GAB2: variants seen among roughly 807,000 people sequenced by gnomAD.
GAB2 encodes GRB2 associated binding protein 2, also known as GRB2-associated-binding protein 2.
GAB2 carries 26 observed loss-of-function variants against 65.5 expected under a neutral mutation model. The observed-to-expected ratio is 0.40, with a 90% CI of 0.29 to 0.55. The LOEUF (loss-of-function observed/expected upper bound fraction) is 0.55, where lower values mean the gene tolerates loss of function less well. Among genes scored for constraint, GAB2 ranks in the 20% least tolerant of loss-of-function variants. The pLI is 0.53. For missense variants in GAB2, 884 were observed against 875.8 expected (o/e 1.01, Z -0.12); for synonymous variants, 321 against 329.6 (o/e 0.97, Z 0.28).
At position 78,300,288 on chromosome 11, in the gene GAB2, G is replaced by A. The variant is rs940655921; in HGVS notation, c.76-19387C>T. Among the ~76,000 whole-genome samples the A allele has an allele frequency of 2.8e-5, 4 of 140,680 alleles. 1 individual carries two copies. Among genetic ancestry groups the A allele is most frequent in the African/African-American group, 1.3e-4 (4 of 30,628 alleles). The allele number at this position is 140,680 out of a possible 152,430, so 92.3% of individuals were successfully genotyped here. On this transcript the variant is annotated intron_variant, in intron 1 of 9. Transcript: ENST00000361507. ...CTGACTCATATTGCTGCATGTATCA[G>A]TAGTTTAAAAAATTGCTGAGTAGTG...
intron 1 of GAB2, among the ~76,000 whole-genome samples, chr11:78,353,907 A>C (rs1299097753): frequency 6.6e-6 from 1 of 152,256 alleles, no homozygotes; most frequent in African/African-American, 2.4e-5. Flanking sequence ...CTCAAACTTC[A>C]GTATGCATCA....
At position 78,329,009 on chromosome 11, in the gene GAB2, C is replaced by A. The variant is rs184883040; in HGVS notation, c.76-48108G>T. The stretch of plus-strand genomic sequence containing the variant: ...TATTTAGGGAGAAATATGCTAATGT[C>A]TGCAATTTACTTTAAATGCTATAAA... On this transcript the variant is annotated intron_variant, in intron 1 of 9. Transcript: ENST00000361507. Among the ~76,000 whole-genome samples the A allele has an allele frequency of 4.6e-4, 70 of 152,174 alleles. 2 individuals carry two copies. The highest frequency in any genetic ancestry group is 4.3e-3 in the Admixed American group (65 of 15,280).
chr11:78,298,697 T>G (rs1452379486), intron 1 of GAB2, among the ~76,000 whole-genome samples: 1 of 152,216 alleles, frequency 6.6e-6, no homozygotes, highest in Admixed American at 6.5e-5. Flanking sequence ...CTTGCTTTCA[T>G]GTCCTTGAAT....
chr11:78,382,238 T>C (rs1660102107), intron 1 of GAB2, among the ~76,000 whole-genome samples: 1 of 152,138 alleles, frequency 6.6e-6, no homozygotes, highest in African/African-American at 2.4e-5. Flanking sequence ...TAACCGTTGA[T>C]TGATTTCCTT....
chr11:78,229,071 C>T (rs771968466), intron 3 of GAB2, among the ~76,000 whole-genome samples: 5 of 152,150 alleles, frequency 3.3e-5, no homozygotes, highest in Non-Finnish European at 7.3e-5. Flanking sequence ...CAGGAGATGA[C>T]ATGGATGCAA....
intron 1 of GAB2, among the ~76,000 whole-genome samples, chr11:78,414,078 ACT>A (rs1164762427): frequency 8.7e-5 from 12 of 138,404 alleles, no homozygotes; most frequent in Non-Finnish European, 1.6e-4. Context: ...CAAAAGTGAA[ACT>A]CTGTCTCAAA....
chr11:78,228,988 T>C (rs924481980), intron 3 of GAB2, among the ~76,000 whole-genome samples: 13 of 152,310 alleles, frequency 8.5e-5, no homozygotes, highest in Middle Eastern at 3.4e-3. Flanking sequence ...CTAATTTCCA[T>C]CTGGGCCAGG....
At chr11:78,368,341 A>G (rs897671346) in intron 1 of GAB2, among the ~76,000 whole-genome samples, 1 of 152,206 alleles carries the variant, frequency 6.6e-6, no homozygotes, top group Non-Finnish European at 1.5e-5. Context: ...CTACTCTATA[A>G]TAGGCTTGCT....
intron 1 of GAB2, among the ~76,000 whole-genome samples, chr11:78,353,269 C>T (rs957266905): frequency 2.0e-5 from 3 of 152,118 alleles, no homozygotes; most frequent in Non-Finnish European, 2.9e-5. Flanking sequence ...GGTGAAACCT[C>T]GTCTGTACTA....
rs1253112127 is a variant in GAB2 at position 78,276,090 on chromosome 11, G to T, written c.376+4511C>A. Among the ~76,000 whole-genome samples, 3 of 142,278 alleles carry T rather than the reference G, an allele frequency of 2.1e-5. No individual in the cohort carries two copies. The Admixed American group carries it at 2.3e-4, about 11-fold the overall frequency. 93.3% of individuals were successfully genotyped at this position (142,278 alleles called of 152,430 possible). ...GATTGTGCCACTGCATTCCAGCCTGGACGACAGAGCAAGACTGTCTCAAAA... is the reference window on the plus strand; with the variant it reads ...GATTGTGCCACTGCATTCCAGCCTGTACGACAGAGCAAGACTGTCTCAAAA... On this transcript the variant is annotated intron_variant, in intron 2 of 9. Coordinates refer to ENST00000361507, the MANE Select transcript of GAB2 (RefSeq NM_080491.3).
chr11:78,330,125 C>T (rs535990171), intron 1 of GAB2, among the ~76,000 whole-genome samples: 23 of 152,160 alleles, frequency 1.5e-4, no homozygotes, highest in Admixed American at 2.0e-4. Context: ...CTCCCATACC[C>T]GAGACCACAG....
At chr11:78,316,292 G>A (rs1374728499) in intron 1 of GAB2, among the ~76,000 whole-genome samples, 1 of 152,180 alleles carries the variant, frequency 6.6e-6, no homozygotes, top group South Asian at 2.1e-4. Context: ...ATAACTGTGT[G>A]AGCCAATTCT....
intron 1 of GAB2, among the ~76,000 whole-genome samples, chr11:78,356,172 C>CA (rs1193261590): frequency 2.5e-3 from 253 of 100,660 alleles, no homozygotes; most frequent in African/African-American, 8.8e-3. Context: ...GACTCCATCT[C>CA]AAAAAAAAAG....
intron 1 of GAB2, among the ~76,000 whole-genome samples, chr11:78,340,455 T>C (rs890324710): frequency 3.3e-5 from 5 of 152,166 alleles, no homozygotes; most frequent in Non-Finnish European, 7.4e-5. Context: ...CTCCCAAATA[T>C]AGTATTTTGT....
chr11:78,335,862 G>A (rs1005002843), intron 1 of GAB2, among the ~76,000 whole-genome samples: 1 of 152,096 alleles, frequency 6.6e-6, no homozygotes, highest in Admixed American at 6.5e-5. Context: ...TCCAATCCAT[G>A]AGCATGGAAT....
intron 1 of GAB2, among the ~76,000 whole-genome samples, chr11:78,399,656 TC>T (rs1390120534): frequency 2.0e-5 from 3 of 152,216 alleles, no homozygotes; most frequent in African/African-American, 7.2e-5. Flanking sequence ...CATTGTACAT[TC>T]CAGGTATGGC....
chr11:78,337,158 C>A (rs1056020956), intron 1 of GAB2, among the ~76,000 whole-genome samples: 1 of 152,210 alleles, frequency 6.6e-6, no homozygotes, highest in South Asian at 2.1e-4. Context: ...GTTCCAAGAT[C>A]TCAACACATT....
chr11:78,306,795 G>T (rs1490952066), intron 1 of GAB2, among the ~76,000 whole-genome samples: 1 of 152,184 alleles, frequency 6.6e-6, no homozygotes, highest in African/African-American at 2.4e-5. Context: ...TTACTTATTA[G>T]CTGCATGACC....
rs1283319073 is a variant in GAB2, at chr11:78,335,759, C to A, written c.76-54858G>T. Among the ~76,000 whole-genome samples the A allele has an allele frequency of 2.0e-5, 3 of 152,066 alleles. No homozygotes were observed. The South Asian group carries it at 6.2e-4, about 32-fold the overall frequency. On this transcript the variant is annotated intron_variant, in intron 1 of 9. Coordinates refer to ENST00000361507, the MANE Select transcript of GAB2 (RefSeq NM_080491.3). ...ATTCCATATAAATTTTAGAATTGTT[C>A]TATTTCTGTGAAGAATGTCATTGGT...
Sources: allele counts gnomAD v4.1 joint callset (sites outside exome capture counted in the v4.1 genomes callset), GRCh38; gene constraint gnomAD v4.1.1; transcripts MANE v1.5; gene names NCBI Gene and HGNC (gene_info 2026-07-23, HGNC 2026-07-21).